Variants in C12orf42 observed in about 807,000 individuals in gnomAD.
C12orf42 encodes the protein uncharacterized protein C12orf42.
In C12orf42, 25 loss-of-function variants were observed where a neutral mutation model predicts 21.6. That is an observed-to-expected ratio of 1.16 (90% CI 0.84 to 1.62). The LOEUF (loss-of-function observed/expected upper bound fraction) is 1.62. Ranked by LOEUF, C12orf42 falls within the 40% of genes most tolerant of loss-of-function variation. The probability of loss-of-function intolerance (pLI) is 0.00; values close to 1 mark genes in which losing one functional copy is unlikely to be tolerated. For synonymous variants in C12orf42, 174 were observed against 175.0 expected, an observed-to-expected ratio of 0.99 and a Z score of 0.05; for missense variants, 483 against 459.3, an observed-to-expected ratio of 1.05 and a Z score of -0.47.
At chr12:103,312,967 C>T (rs982034488) in intron 4 of C12orf42, among the ~76,000 whole-genome samples, 4 of 152,192 alleles carry the variant, frequency 2.6e-5, no homozygotes, top group Non-Finnish European at 4.4e-5. Flanking sequence ...GAGATACCAG[C>T]GAGCTGACCA....
chr12:103,079,227 A>T, the C12orf42 span, among the ~76,000 whole-genome samples: 1 of 152,148 alleles, frequency 6.6e-6, no homozygotes. Flanking sequence ...TACCAAATGG[A>T]CAAAACAGTA....
At chr12:103,194,690 C>T in the C12orf42 span, among the ~76,000 whole-genome samples, 1 of 152,138 alleles carries the variant, frequency 6.6e-6, no homozygotes, top group Non-Finnish European at 1.5e-5. Context: ...AAAAGGAAGA[C>T]ATCCCATGTC....
intron 5 of C12orf42, among the ~76,000 whole-genome samples, chr12:103,303,178 C>T (rs767367683): frequency 9.2e-5 from 14 of 151,976 alleles, no homozygotes; most frequent in South Asian, 8.3e-4. Context: ...CTTTGCCCAA[C>T]GAAATAATTT....
At chr12:103,443,055 T>A (rs1371402131) in intron 2 of C12orf42, among the ~76,000 whole-genome samples, 1 of 152,012 alleles carries the variant, frequency 6.6e-6, no homozygotes, top group Non-Finnish European at 1.5e-5. Flanking sequence ...AAGTCTTGAG[T>A]TTCAGGCTAG....
At chr12:103,352,630 G>A (rs1444283741) in intron 4 of C12orf42, among the ~76,000 whole-genome samples, 4 of 152,004 alleles carry the variant, frequency 2.6e-5, no homozygotes, top group Non-Finnish European at 4.4e-5. Flanking sequence ...ACATAGAGTG[G>A]GAAGATGAAT....
intron 3 of C12orf42, among the ~76,000 whole-genome samples, chr12:103,371,083 T>G (rs1259758765): frequency 6.6e-6 from 1 of 152,136 alleles, no homozygotes; most frequent in Non-Finnish European, 1.5e-5. Flanking sequence ...GTGAATATTA[T>G]GTGTTCAGGA....
chr12:103,303,864 T>C (rs953130277), intron 5 of C12orf42, among the ~76,000 whole-genome samples: 2 of 152,216 alleles, frequency 1.3e-5, no homozygotes, highest in African/African-American at 4.8e-5. Context: ...AGGTGCTTAA[T>C]AGCTGTTGAT....
At chr12:103,255,955 A>G (rs1396869019) in intron 10 of C12orf42, among the ~76,000 whole-genome samples, 1 of 144,172 alleles carries the variant, frequency 6.9e-6, no homozygotes, top group African/African-American at 2.6e-5. Flanking sequence ...CGGGAGGCTG[A>G]GGCAGGAGAA....
At chr12:103,273,778 C>G in intron 5 of C12orf42, 1 of 445,850 alleles carries the variant, frequency 2.2e-6, no homozygotes, top group Non-Finnish European at 4.5e-6. Flanking sequence ...GAAAGAGAAG[C>G]ACTTGTCTTT....
intron 3 of C12orf42, among the ~76,000 whole-genome samples, chr12:103,392,562 C>G (rs2047166077): frequency 6.6e-6 from 1 of 152,022 alleles, no homozygotes; most frequent in Non-Finnish European, 1.5e-5. Flanking sequence ...AAATTTATTC[C>G]TAAGTATTTT....
At chr12:103,460,319 C>T (rs182025320) in intron 2 of C12orf42, among the ~76,000 whole-genome samples, 27 of 151,438 alleles carry the variant, frequency 1.8e-4, no homozygotes, top group Non-Finnish European at 2.9e-4. Context: ...AAGGAATTCC[C>T]GGGAAAGATT....
chr12:103,277,786 A>AT (rs1593266104), intron 4 of C12orf42, among the ~76,000 whole-genome samples: 1 of 151,896 alleles, frequency 6.6e-6, no homozygotes, highest in African/African-American at 2.4e-5. Context: ...CGCCCGGCTA[A>AT]TTTTTTGTAT....
intron 3 of C12orf42, among the ~76,000 whole-genome samples, chr12:103,375,713 G>T (rs1329869417): frequency 6.6e-6 from 1 of 152,058 alleles, no homozygotes. Context: ...AAAGAAAAAA[G>T]TTTTATATTT....
chr12:103,147,350 A>G, the C12orf42 span, among the ~76,000 whole-genome samples: 1,076 of 152,290 alleles, frequency 7.1e-3, 19 homozygotes, highest in African/African-American at 0.024. Context: ...TTCAGGTCAA[A>G]AATGAAGAAA....
chr12:103,339,970 C>T (rs759599691), intron 4 of C12orf42, among the ~76,000 whole-genome samples: 2 of 152,118 alleles, frequency 1.3e-5, no homozygotes, highest in Admixed American at 6.6e-5. Context: ...AAAAAATTAG[C>T]GTGTCAGTCT....
At chr12:103,277,423 A>G (rs568100406) in intron 4 of C12orf42, among the ~76,000 whole-genome samples, 37 of 152,214 alleles carry the variant, frequency 2.4e-4, no homozygotes, top group Admixed American at 1.8e-3. Context: ...CTTCTGCATT[A>G]TGGTTCATTT....
At chr12:103,162,095 G>A in the C12orf42 span, among the ~76,000 whole-genome samples, 2 of 151,990 alleles carry the variant, frequency 1.3e-5, no homozygotes, top group Admixed American at 1.3e-4. Flanking sequence ...CCCCAACATT[G>A]GCTCCTTTCT....
intron 4 of C12orf42, among the ~76,000 whole-genome samples, chr12:103,333,091 C>T (rs534475689): frequency 2.2e-4 from 34 of 152,272 alleles, no homozygotes; most frequent in African/African-American, 7.5e-4. Flanking sequence ...GATGGACATT[C>T]GCCTAATAAC....
chr12:103,389,786 G>A (rs558745122), intron 3 of C12orf42, among the ~76,000 whole-genome samples: 3 of 152,278 alleles, frequency 2.0e-5, no homozygotes, highest in Non-Finnish European at 2.9e-5. Flanking sequence ...GAGAATTCAC[G>A]AGGCTCAGTC....
Sources: gnomAD v4.1 joint callset for allele counts (sites outside exome capture counted in the v4.1 genomes callset) on GRCh38, gnomAD v4.1.1 for gene constraint, MANE v1.5 for transcripts, NCBI Gene and HGNC (gene_info 2026-07-23, HGNC 2026-07-21) for gene names.